PHKB: variants seen among roughly 807,000 people sequenced by gnomAD.
The protein encoded by PHKB is phosphorylase b kinase regulatory subunit beta.
Under a neutral mutation model 152.1 loss-of-function variants are expected in PHKB, and 122 were observed. The observed-to-expected ratio is 0.80, with a 90% CI of 0.69 to 0.93. PHKB has a LOEUF of 0.93. PHKB is among the 40% of genes least tolerant of loss of function. PHKB has a pLI of 0.00. For synonymous variants in PHKB, 436 were observed against 464.9 expected, an observed-to-expected ratio of 0.94 and a Z score of 0.80; for missense variants, 1,304 against 1,328.4, an observed-to-expected ratio of 0.98 and a Z score of 0.29.
At chr16:47,473,735 A>G (rs1969821331) in intron 1 of PHKB, among the ~76,000 whole-genome samples, 1 of 152,180 alleles carries the variant, frequency 6.6e-6, no homozygotes, top group African/African-American at 2.4e-5. Flanking sequence ...TTTTAAAGTT[A>G]TTTTTAATTG....
At chr16:47,688,489 T>A (rs1172408775) in intron 26 of PHKB, among the ~76,000 whole-genome samples, 1 of 152,220 alleles carries the variant, frequency 6.6e-6, no homozygotes, top group Non-Finnish European at 1.5e-5. Flanking sequence ...TATAACTAAG[T>A]TATAACTAAT....
At chr16:47,486,444 A>G (rs1970050882) in intron 1 of PHKB, among the ~76,000 whole-genome samples, 1 of 152,244 alleles carries the variant, frequency 6.6e-6, no homozygotes, top group African/African-American at 2.4e-5. Flanking sequence ...GCTTGAAAAT[A>G]TATTGTATCT....
At chr16:47,627,018 AC>A (rs1224567336) in intron 14 of PHKB, among the ~76,000 whole-genome samples, 1 of 152,034 alleles carries the variant, frequency 6.6e-6, no homozygotes, top group African/African-American at 2.4e-5. Context: ...TGATTCTAAA[AC>A]CTGGTTTCTT....
chr16:47,493,493 T>C (rs761253027), intron 1 of PHKB, among the ~76,000 whole-genome samples: 12 of 152,168 alleles, frequency 7.9e-5, no homozygotes, highest in East Asian at 1.9e-4. Context: ...ACCGTTGTAA[T>C]TTGGGGTCGT....
rs917760133 is a variant in PHKB at position 47,701,159 on chromosome 16, C to T, written c.*1793C>T. 6.6e-6 allele frequency: 1 copy of T among 152,030 alleles called. No homozygotes were observed. The highest frequency in any genetic ancestry group is 2.4e-5 in the African/African-American group (1 of 41,380). The allele number at this position is 152,030 out of a possible 1,614,324, so 9.4% of individuals were successfully genotyped here. ...ATGGAGAGGGAATTGAGAGCTGACACTTCATAACTGGAGAAACTGGAAATT... is the reference window on the plus strand; with the variant it reads ...ATGGAGAGGGAATTGAGAGCTGACATTTCATAACTGGAGAAACTGGAAATT... On this transcript the variant is annotated 3_prime_UTR_variant, in exon 31 of 31. Coordinates refer to ENST00000323584, the MANE Select transcript of PHKB (RefSeq NM_000293.3).
chr16:47,598,935 C>G, intron 13 of PHKB: 1 of 1,565,054 alleles, frequency 6.4e-7, no homozygotes, highest in Admixed American at 1.7e-5. Flanking sequence ...ATATTCTTAG[C>G]CTCTCATGTG....
intron 7 of PHKB, among the ~76,000 whole-genome samples, chr16:47,550,794 C>T (rs555788047): frequency 6.6e-6 from 1 of 152,284 alleles, no homozygotes; most frequent in East Asian, 1.9e-4. Flanking sequence ...AGGAGTGGTA[C>T]CAGCTCCACT....
At chr16:47,627,170 C>T (rs1403582990) in intron 14 of PHKB, among the ~76,000 whole-genome samples, 3 of 152,200 alleles carry the variant, frequency 2.0e-5, no homozygotes, top group Admixed American at 1.3e-4. Flanking sequence ...CTGTTTCACC[C>T]TCATCTTACT....
In PHKB at chr16:47,657,131, T is replaced by C. The variant is rs116668107; in HGVS notation, c.1972-3375T>C. 2.6e-3 allele frequency among the ~76,000 whole-genome samples: 398 copies of C among 152,306 alleles called. 3 individuals are homozygous for C. Among genetic ancestry groups the C allele is most frequent in the African/African-American group, 9.1e-3 (379 of 41,550 alleles). The stretch of plus-strand genomic sequence containing the variant: ...AATGTTTGCTATGGCTCTTCTTTCA[T>C]TTTATGTTTAGCTAGTTTCTTCTGC... On this transcript the variant is annotated intron_variant, in intron 20 of 30. Coordinates refer to ENST00000323584, the MANE Select transcript of PHKB (RefSeq NM_000293.3).
intron 26 of PHKB, chr16:47,675,608 C>G (rs1973717544): frequency 6.6e-6 from 1 of 152,224 alleles, no homozygotes; most frequent in Non-Finnish European, 1.5e-5. Context: ...CGTGTGCTCT[C>G]ACAAGAGAAG....
chr16:47,557,981 A>C (rs1283501995), intron 7 of PHKB, among the ~76,000 whole-genome samples: 2 of 151,980 alleles, frequency 1.3e-5, no homozygotes, highest in Middle Eastern at 3.4e-3. Flanking sequence ...CTTGGAACCA[A>C]CCCAAATGTC....
At chr16:47,613,214 T>C (rs1972458768) in intron 14 of PHKB, among the ~76,000 whole-genome samples, 1 of 152,090 alleles carries the variant, frequency 6.6e-6, no homozygotes, top group African/African-American at 2.4e-5. Context: ...TTGATTACTG[T>C]GAAAGGATAC....
At chr16:47,681,514 C>G (rs1167552421) in intron 26 of PHKB, among the ~76,000 whole-genome samples, 3 of 151,212 alleles carry the variant, frequency 2.0e-5, no homozygotes, top group Non-Finnish European at 4.4e-5. Context: ...GATCCCTTTA[C>G]CATTATGTAA....
At chr16:47,612,186 C>G (rs1233723899) in intron 14 of PHKB, among the ~76,000 whole-genome samples, 1 of 152,216 alleles carries the variant, frequency 6.6e-6, no homozygotes, top group Non-Finnish European at 1.5e-5. Flanking sequence ...CTTCATATTA[C>G]CAGTGCTATG....
intron 6 of PHKB, among the ~76,000 whole-genome samples, chr16:47,527,365 TAGAG>T (rs1171404743): frequency 6.6e-6 from 1 of 152,072 alleles, no homozygotes; most frequent in Non-Finnish European, 1.5e-5. Flanking sequence ...AAAGGTAGGA[TAGAG>T]ACTCTCAAAA....
chr16:47,573,374 C>T (rs1971695171), intron 7 of PHKB, among the ~76,000 whole-genome samples: 1 of 152,170 alleles, frequency 6.6e-6, no homozygotes, highest in African/African-American at 2.4e-5. Flanking sequence ...CAGGTGTGGA[C>T]TCAGGCTGTG....
chr16:47,481,600 G>T (rs575736593), intron 1 of PHKB, among the ~76,000 whole-genome samples: 2 of 152,338 alleles, frequency 1.3e-5, no homozygotes, highest in Admixed American at 6.5e-5. Flanking sequence ...GAAACCATTG[G>T]TTTCCCACAT....
chr16:47,568,965 C>G (rs1233506854), intron 7 of PHKB, among the ~76,000 whole-genome samples: 1 of 152,064 alleles, frequency 6.6e-6, no homozygotes, highest in African/African-American at 2.4e-5. Flanking sequence ...GGAAAATGTT[C>G]CATGTGCTGA....
intron 7 of PHKB, among the ~76,000 whole-genome samples, chr16:47,559,797 G>A (rs1597085685): frequency 6.6e-6 from 1 of 152,198 alleles, no homozygotes; most frequent in South Asian, 2.1e-4. Flanking sequence ...CCATAGTCTA[G>A]CAGGGGATAT....
Sources: gnomAD v4.1 joint callset for allele counts (sites outside exome capture counted in the v4.1 genomes callset) on GRCh38, gnomAD v4.1.1 for gene constraint, MANE v1.5 for transcripts, NCBI Gene and HGNC (gene_info 2026-07-23, HGNC 2026-07-21) for gene names.